Variants in ADAM22 observed in about 807,000 individuals in gnomAD.
ADAM22 encodes ADAM metallopeptidase domain 22.
A neutral mutation model predicts 144.6 loss-of-function variants in ADAM22; 65 were observed. The ratio of observed to expected loss-of-function variants is 0.45; its 90% CI spans 0.37 to 0.55. The LOEUF (loss-of-function observed/expected upper bound fraction) is 0.55. Ranked by LOEUF, ADAM22 falls within the 20% of genes least tolerant of loss-of-function variation. The pLI is 0.00. For synonymous variants in ADAM22, 391 were observed against 412.6 expected (o/e 0.95, Z 0.63); for missense variants, 974 against 1,184.9 (o/e 0.82, Z 2.61).
chr7:88,053,937 C>G (rs1807407102), intron 3 of ADAM22, among the ~76,000 whole-genome samples: 1 of 151,978 alleles, frequency 6.6e-6, no homozygotes, highest in Admixed American at 6.6e-5. Context: ...TCAAGATCAG[C>G]CTGGCCAACA....
intron 3 of ADAM22, among the ~76,000 whole-genome samples, chr7:88,075,201 GA>G (rs1388447481): frequency 6.6e-6 from 1 of 151,810 alleles, no homozygotes; most frequent in Non-Finnish European, 1.5e-5. Flanking sequence ...ATTTTGTGAT[GA>G]AAACTAACAT....
chr7:88,032,945 A>G (rs989061220), intron 3 of ADAM22, among the ~76,000 whole-genome samples: 3 of 152,184 alleles, frequency 2.0e-5, no homozygotes, highest in Non-Finnish European at 4.4e-5. Flanking sequence ...CCAGAAGTAG[A>G]AGCCTGTACA....
At chr7:87,966,930 A>G (rs1024926011) in intron 2 of ADAM22, among the ~76,000 whole-genome samples, 7 of 151,626 alleles carry the variant, frequency 4.6e-5, no homozygotes, top group African/African-American at 1.7e-4. Context: ...CGTAATCCCA[A>G]CATGTCATGG....
At chr7:88,044,268 A>G (rs1203826057) in intron 3 of ADAM22, among the ~76,000 whole-genome samples, 1 of 152,200 alleles carries the variant, frequency 6.6e-6, no homozygotes, top group Non-Finnish European at 1.5e-5. Flanking sequence ...TTTGGATAAT[A>G]GATTCTGCAT....
chr7:87,973,797 A>T (rs1269952500), intron 2 of ADAM22, among the ~76,000 whole-genome samples: 1 of 152,186 alleles, frequency 6.6e-6, no homozygotes. Flanking sequence ...AGGGACATGG[A>T]TGAAGCTGGA....
intron 31 of ADAM22, among the ~76,000 whole-genome samples, chr7:88,194,709 T>C (rs966471818): frequency 1.3e-5 from 2 of 152,174 alleles, no homozygotes; most frequent in Non-Finnish European, 2.9e-5. Flanking sequence ...TAAAACAATA[T>C]TGAGGAAACT....
At chr7:87,978,613 A>G (rs1584775257) in intron 3 of ADAM22, among the ~76,000 whole-genome samples, 1 of 152,252 alleles carries the variant, frequency 6.6e-6, no homozygotes, top group Admixed American at 6.5e-5. Flanking sequence ...TTGAGCACCT[A>G]TAATAGAGTT....
intron 3 of ADAM22, among the ~76,000 whole-genome samples, chr7:88,051,361 C>T (rs1381873582): frequency 6.6e-6 from 1 of 152,122 alleles, no homozygotes; most frequent in East Asian, 1.9e-4. Flanking sequence ...CCATGGAATA[C>T]TATGCAGCCA....
Position 87,992,473 on chromosome 7 carries a change from A to G in ADAM22, c.323+14061A>G, listed in dbSNP as rs150698922. ...TGTTAACGTTAGTACGTTTTTCATAAAGATAACTTTGATAGCAGTATGGAA... is the reference window on the plus strand; with the variant it reads ...TGTTAACGTTAGTACGTTTTTCATAGAGATAACTTTGATAGCAGTATGGAA... On this transcript the variant is annotated intron_variant, in intron 3 of 31. Transcript: ENST00000413139. Among the ~76,000 whole-genome samples, 1,255 of 152,342 alleles carry G rather than the reference A, an allele frequency of 8.2e-3. 17 individuals carry two copies. The highest frequency in any genetic ancestry group is 0.028 in the African/African-American group (1,149 of 41,580).
chr7:87,962,033 G>A (rs1848105622), intron 2 of ADAM22, among the ~76,000 whole-genome samples: 1 of 152,128 alleles, frequency 6.6e-6, no homozygotes, highest in Non-Finnish European at 1.5e-5. Flanking sequence ...AAGTCATGTA[G>A]CCAAATGACC....
At chr7:88,096,529 AT>A (rs1384009386) in intron 4 of ADAM22, among the ~76,000 whole-genome samples, 2 of 151,204 alleles carry the variant, frequency 1.3e-5, no homozygotes, top group African/African-American at 4.8e-5. Context: ...AACTTATACT[AT>A]GACTTTATAT....
intron 3 of ADAM22, among the ~76,000 whole-genome samples, chr7:87,978,773 C>T (rs1002606494): frequency 6.6e-6 from 1 of 152,118 alleles, no homozygotes; most frequent in African/African-American, 2.4e-5. Context: ...GAGAAGGTTG[C>T]ACTTTTTGAT....
chr7:87,946,413 A>G (rs560987119), intron 2 of ADAM22, among the ~76,000 whole-genome samples: 38 of 152,208 alleles, frequency 2.5e-4, no homozygotes, highest in African/African-American at 8.4e-4. Flanking sequence ...TTTTGTTGCA[A>G]TTGCTTTGAG....
At chr7:88,066,902 T>C (rs1258550728) in intron 3 of ADAM22, among the ~76,000 whole-genome samples, 1 of 152,180 alleles carries the variant, frequency 6.6e-6, no homozygotes, top group Non-Finnish European at 1.5e-5. Context: ...TTTAACGATA[T>C]AGAGGTAGCT....
intron 4 of ADAM22, among the ~76,000 whole-genome samples, chr7:88,081,335 G>A (rs4439051): frequency 1 from 151,759 of 152,116 alleles, 75,701 homozygotes; most frequent in Middle Eastern, 1. Flanking sequence ...TTGATGGGAC[G>A]TATCTCAAAA....
chr7:87,961,356 AATC>A (rs1847956624), intron 2 of ADAM22, among the ~76,000 whole-genome samples: 1 of 152,196 alleles, frequency 6.6e-6, no homozygotes, highest in Non-Finnish European at 1.5e-5. Context: ...AAATATTTGG[AATC>A]ATCTACATTT....
At chr7:88,127,789 A>G (rs757965709) in intron 8 of ADAM22, among the ~76,000 whole-genome samples, 2 of 152,058 alleles carry the variant, frequency 1.3e-5, no homozygotes, top group Non-Finnish European at 2.9e-5. Context: ...ATATTGAACT[A>G]TGGCATAAAG....
chr7:88,007,967 A>C (rs1217834380), intron 3 of ADAM22, among the ~76,000 whole-genome samples: 1 of 152,220 alleles, frequency 6.6e-6, no homozygotes, highest in East Asian at 1.9e-4. Flanking sequence ...CAGGCAACCT[A>C]CAAAATGGGA....
intron 26 of ADAM22, among the ~76,000 whole-genome samples, chr7:88,172,080 T>A (rs1037756927): frequency 2.0e-5 from 3 of 151,872 alleles, no homozygotes; most frequent in East Asian, 1.9e-4. Flanking sequence ...GCATAAGGAA[T>A]TTTTTGTATT....
Sources: gnomAD v4.1 joint callset for allele counts (sites outside exome capture counted in the v4.1 genomes callset) on GRCh38, gnomAD v4.1.1 for gene constraint, MANE v1.5 for transcripts, NCBI Gene and HGNC (gene_info 2026-07-23, HGNC 2026-07-21) for gene names.